The following KAT6B variants were observed in gnomAD, a reference collection of about 807,000 sequenced individuals.
The protein encoded by KAT6B is histone acetyltransferase KAT6B.
KAT6B carries 10 observed loss-of-function variants against 187.5 expected under a neutral mutation model. The ratio of observed to expected loss-of-function variants is 0.05; its 90% confidence interval spans 0.03 to 0.09. The LOEUF is 0.09. KAT6B is among the 10% of genes least tolerant of loss of function. KAT6B has a pLI of 1.00. For synonymous variants in KAT6B, 861 were observed against 926.8 expected, an observed-to-expected ratio of 0.93 and a Z score of 1.29; for missense variants, 1,952 against 2,558.9, an observed-to-expected ratio of 0.76 and a Z score of 5.12.
chr10:74,848,288 G>T (rs767118139), intron 3 of KAT6B, among the ~76,000 whole-genome samples: 9 of 152,178 alleles, frequency 5.9e-5, no homozygotes, highest in South Asian at 2.1e-4. Context: ...GCTAGATGCG[G>T]CCCTGAATGG....
At chr10:75,018,043 C>A (rs1461379275) in intron 13 of KAT6B, among the ~76,000 whole-genome samples, 1 of 152,186 alleles carries the variant, frequency 6.6e-6, no homozygotes, top group Non-Finnish European at 1.5e-5. Context: ...TGCAGGGGTC[C>A]CTTCGGATAG....
intron 4 of KAT6B, among the ~76,000 whole-genome samples, chr10:74,960,857 A>G (rs909863504): frequency 2.0e-5 from 3 of 152,226 alleles, no homozygotes; most frequent in Non-Finnish European, 4.4e-5. Context: ...ATGGTTTAGC[A>G]TGTTTGATAT....
At chr10:74,903,245 C>T (rs1846525565) in intron 3 of KAT6B, among the ~76,000 whole-genome samples, 1 of 152,104 alleles carries the variant, frequency 6.6e-6, no homozygotes, top group Non-Finnish European at 1.5e-5. Context: ...AGTGACCCTG[C>T]CCTTTGTATT....
intron 3 of KAT6B, among the ~76,000 whole-genome samples, chr10:74,950,439 C>T (rs888761686): frequency 2.6e-5 from 4 of 152,078 alleles, no homozygotes; most frequent in Non-Finnish European, 4.4e-5. Context: ...AACAAAATAA[C>T]GCTCTGGAAA....
chr10:74,827,837 T>C (rs879892337), intron 1 of KAT6B, among the ~76,000 whole-genome samples: 5 of 152,076 alleles, frequency 3.3e-5, no homozygotes, highest in South Asian at 2.1e-4. Context: ...TTATTTTTTA[T>C]AAAAATGAGA....
chr10:75,001,664 GC>G (rs1843843811), intron 13 of KAT6B, among the ~76,000 whole-genome samples: 1 of 152,146 alleles, frequency 6.6e-6, no homozygotes, highest in Non-Finnish European at 1.5e-5. Flanking sequence ...CCACTTACAA[GC>G]TTTTCAAAAT....
chr10:74,878,233 C>G (rs972601449), intron 3 of KAT6B, among the ~76,000 whole-genome samples: 1 of 152,160 alleles, frequency 6.6e-6, no homozygotes, highest in Non-Finnish European at 1.5e-5. Context: ...TTGACTTGTT[C>G]AGTCAGTGAC....
chr10:74,983,523 C>T (rs1388089016), intron 11 of KAT6B: 1 of 152,226 alleles, frequency 6.6e-6, no homozygotes, highest in Non-Finnish European at 1.5e-5. Flanking sequence ...TTCCTTGATG[C>T]CTTAGATCTT....
In KAT6B at chr10:75,026,747, CCTT is replaced by C. The variant is rs1302140823; in HGVS notation, c.3664+1502_3664+1504del. Among the ~76,000 whole-genome samples, 5 of 151,914 alleles carry C rather than the reference CCTT, an allele frequency of 3.3e-5. No individual in the cohort carries two copies. The South Asian group carries it at 8.3e-4, about 25-fold the overall frequency. ...TTATGCCTGATTCCTTTCAGGATGT[CCTT>C]CTTTCTTAAAAATAATTGTCAGAAA... On this transcript the variant is annotated intron_variant, in intron 17 of 17. Transcript: ENST00000287239.
At position 74,911,381 on chromosome 10, in the gene KAT6B, C is replaced by T. The variant is rs563567957; in HGVS notation, c.622-48589C>T. Among the ~76,000 whole-genome samples, 6 of 152,084 alleles carry T rather than the reference C, an allele frequency of 3.9e-5. No homozygotes were observed. In the South Asian group the frequency reaches 1.0e-3, roughly 26 times the overall value. ...CTCCAGGTTCAAACGATTCTCCTGC[C>T]TCAGCTTCCTGAGTAGCTGGGATTA... is the stretch of plus-strand genomic sequence containing the variant. On this transcript the variant is annotated intron_variant, in intron 3 of 17. Transcript: ENST00000287239.
At chr10:75,018,040 G>A (rs186101955) in intron 13 of KAT6B, among the ~76,000 whole-genome samples, 1 of 152,234 alleles carries the variant, frequency 6.6e-6, no homozygotes, top group Non-Finnish European at 1.5e-5. Flanking sequence ...CCATGCAGGG[G>A]TCCCTTCGGA....
At chr10:74,980,276 T>C (rs1842426594) in intron 10 of KAT6B, among the ~76,000 whole-genome samples, 2 of 152,360 alleles carry the variant, frequency 1.3e-5, no homozygotes, top group East Asian at 3.9e-4. Context: ...ATAGATGTCT[T>C]CCATAAAGTA....
rs530795843 is a variant in KAT6B at position 74,870,828 on chromosome 10, C to T, written c.621+27350C>T. The stretch of plus-strand genomic sequence containing the variant: ...CTCACCTCAGGTGATCTGCCTGCCT[C>T]GGCCTCCCAAATTGCTGGGATGACA... On this transcript the variant is annotated intron_variant, in intron 3 of 17. Transcript: ENST00000287239. Among the ~76,000 whole-genome samples, 20 of 151,866 alleles carry T rather than the reference C, an allele frequency of 1.3e-4. No individual in the cohort carries two copies. The East Asian group carries it at 2.7e-3, about 21-fold the overall frequency.
intron 16 of KAT6B, among the ~76,000 whole-genome samples, chr10:75,024,745 G>A (rs566458218): frequency 6.6e-6 from 1 of 152,302 alleles, no homozygotes; most frequent in South Asian, 2.1e-4. Flanking sequence ...ATCTGCTTGA[G>A]TAAACAACTG....
rs760605044 is a variant in KAT6B at position 74,976,211 on chromosome 10, T to G, written c.1874T>G (p.Phe625Cys). The change falls in exon 8 of 18, where the codon TTC (phenylalanine) becomes TGC (cysteine). Residue 625 changes from phenylalanine to cysteine, a missense_variant. Around this residue, in one of 9 missense-constraint regions of KAT6B, gnomAD observed 417 missense variants for 508.9 expected, o/e 0.82. Transcript: ENST00000287239. ...KAIAHFKRTT[F>C]LKKHRMLGRL... ...ATTGCTCACTTCAAGCGAACAACTT[T>G]CCTTAAAAAGCACAGGATGCTAGGC... 3.1e-6 allele frequency: 5 copies of G among 1,614,106 alleles called. No homozygotes were observed. In the South Asian group the frequency reaches 5.5e-5, roughly 18 times the overall value.
chr10:74,936,384 C>A (rs760388999), intron 3 of KAT6B, among the ~76,000 whole-genome samples: 2 of 144,396 alleles, frequency 1.4e-5, no homozygotes, highest in Non-Finnish European at 1.5e-5. Flanking sequence ...GCCTGGCAGA[C>A]AGAGTAAGAC....
At chr10:75,011,156 A>G (rs1287368498) in intron 13 of KAT6B, among the ~76,000 whole-genome samples, 2 of 152,140 alleles carry the variant, frequency 1.3e-5, no homozygotes, top group Admixed American at 6.5e-5. Context: ...TTCTATTTCA[A>G]TTGTGTTATT....
chr10:75,031,306 C>A lies in KAT6B; in HGVS notation c.*260C>A. On this transcript the variant is annotated 3_prime_UTR_variant, in exon 18 of 18. Coordinates refer to ENST00000287239, the MANE Select transcript of KAT6B (RefSeq NM_012330.4). ...AAATTCTCTGCAAAGGAAGGCCTCT[C>A]TTTGGACTACAATTTGGAGGCAGCC... 2.1e-6 allele frequency: 1 copy of A among 486,966 alleles called. No homozygotes were observed. Among genetic ancestry groups the A allele is most frequent in the Non-Finnish European group, 3.7e-6 (1 of 270,092 alleles). The allele number at this position is 486,966 out of a possible 1,614,324, so 30.2% of individuals were successfully genotyped here. A position where few individuals can be genotyped will look rare whatever the true frequency, so the allele number is the denominator to read the frequency against.
At chr10:74,981,306 T>TCTTTCTTCCTTC (rs1554836803) in intron 10 of KAT6B, among the ~76,000 whole-genome samples, 182 of 140,018 alleles carry the variant, frequency 1.3e-3, no homozygotes, top group African/African-American at 5.0e-3. Context: ...TTTCTTTCTT[T>TCTTTCTTCCTTC]CTTCCTTCCT....
Sources: gnomAD v4.1 joint callset for allele counts (sites outside exome capture counted in the v4.1 genomes callset) on GRCh38, gnomAD v4.1.1 for gene constraint, gnomAD v4.1.1 regional missense constraint, MANE v1.5 for transcripts, NCBI Gene and HGNC (gene_info 2026-07-23, HGNC 2026-07-21) for gene names.